Variants in DMXL1 observed in about 807,000 individuals in gnomAD.
DMXL1 encodes the protein dmX-like protein 1.
A neutral mutation model predicts 319.2 loss-of-function variants in DMXL1; 99 were observed. That is an observed-to-expected ratio of 0.31 (90% confidence interval 0.26 to 0.37). The LOEUF is 0.37. Ranked by LOEUF, DMXL1 falls within the 10% of genes least tolerant of loss-of-function variation. The pLI, the probability that DMXL1 is intolerant of heterozygous loss-of-function variation, is 1.00. For synonymous variants in DMXL1, 1,385 were observed against 1,235.2 expected (o/e 1.12, Z -2.54); for missense variants, 3,745 against 3,595.6 (o/e 1.04, Z -1.06).
chr5:119,137,385 T>C (rs1766259130), intron 13 of DMXL1, among the ~76,000 whole-genome samples: 1 of 152,240 alleles, frequency 6.6e-6, no homozygotes, highest in African/African-American at 2.4e-5. Context: ...GATGATACTT[T>C]GGACTTGGAC....
At chr5:119,102,101 C>CTTA in intron 3 of DMXL1, 95 bp downstream of exon 3, 1 of 688,278 alleles carries the variant, frequency 1.5e-6, no homozygotes. Context: ...ATCGGTATTA[C>CTTA]TTATATACTG....
At chr5:119,222,079 C>A (rs1364143614) in intron 37 of DMXL1, among the ~76,000 whole-genome samples, 3 of 152,060 alleles carry the variant, frequency 2.0e-5, no homozygotes, top group African/African-American at 7.2e-5. Context: ...TTAGTATGAG[C>A]AATTGTTCAA....
intron 1 of DMXL1, among the ~76,000 whole-genome samples, chr5:119,078,216 G>C (rs972139653): frequency 6.6e-6 from 1 of 152,158 alleles, no homozygotes; most frequent in Non-Finnish European, 1.5e-5. Context: ...CTGGCCTCAA[G>C]TGATCCTACT....
At chr5:119,150,484 A>C in intron 18 of DMXL1, 63 bp downstream of exon 18, 1 of 1,489,138 alleles carries the variant, frequency 6.7e-7, no homozygotes, top group Non-Finnish European at 8.9e-7. Flanking sequence ...ATTTTAAATA[A>C]TTTTTATTAA....
chr5:119,206,089 C>G (rs1212837247), intron 33 of DMXL1, among the ~76,000 whole-genome samples: 1 of 152,018 alleles, frequency 6.6e-6, no homozygotes, highest in East Asian at 1.9e-4. Flanking sequence ...GTAAAGTTTA[C>G]TGGTACCTGT....
intron 13 of DMXL1, among the ~76,000 whole-genome samples, chr5:119,137,993 A>G (rs1339181924): frequency 6.6e-6 from 1 of 152,216 alleles, no homozygotes; most frequent in Non-Finnish European, 1.5e-5. Flanking sequence ...TTTACTCTGA[A>G]TAACATGGAA....
chr5:119,196,064 C>T (rs758056901), intron 30 of DMXL1, among the ~76,000 whole-genome samples: 13 of 151,914 alleles, frequency 8.6e-5, no homozygotes, highest in Admixed American at 3.9e-4. Context: ...TACTACATAC[C>T]GAAACTGACT....
intron 32 of DMXL1, among the ~76,000 whole-genome samples, chr5:119,198,287 C>T (rs1483154387): frequency 1.3e-5 from 2 of 152,168 alleles, no homozygotes; most frequent in Non-Finnish European, 2.9e-5. Context: ...CCGCACCTGC[C>T]CTGAATACTG....
intron 19 of DMXL1, 28 bp downstream of exon 19, chr5:119,152,064 G>A: frequency 6.8e-7 from 1 of 1,466,898 alleles, no homozygotes; most frequent in Non-Finnish European, 9.4e-7. Flanking sequence ...CTATTAAAGG[G>A]AAATAAAGCG....
intron 43 of DMXL1, among the ~76,000 whole-genome samples, chr5:119,246,754 C>G (rs1237409299): frequency 2.0e-5 from 3 of 151,338 alleles, no homozygotes; most frequent in African/African-American, 7.3e-5. Flanking sequence ...CTGCCCCAGC[C>G]TCCTGAGTAG....
At chr5:119,237,287 A>G in intron 39 of DMXL1, 35 bp from the exon 40 acceptor site, 1 of 1,274,418 alleles carries the variant, frequency 7.8e-7, no homozygotes, top group Non-Finnish European at 1.1e-6. Flanking sequence ...TTTTATATTT[A>G]TATTAAATAC....
chr5:119,112,782 C>A (rs143715370), intron 5 of DMXL1, among the ~76,000 whole-genome samples: 4 of 152,008 alleles, frequency 2.6e-5, no homozygotes, highest in African/African-American at 9.7e-5. Context: ...CATGGCGAAA[C>A]CCCGTCTCTA....
chr5:119,118,205 T>A (rs1429428280), intron 7 of DMXL1, among the ~76,000 whole-genome samples: 3 of 152,216 alleles, frequency 2.0e-5, no homozygotes, highest in Non-Finnish European at 4.4e-5. Context: ...AATATTCAAT[T>A]CTTGCATTTC....
chr5:119,177,092 A>T (rs929939521), intron 26 of DMXL1, among the ~76,000 whole-genome samples: 1 of 152,104 alleles, frequency 6.6e-6, no homozygotes, highest in Non-Finnish European at 1.5e-5. Flanking sequence ...CAAATATGTA[A>T]TCTTGCTACT....
chr5:119,189,827 G>A lies in DMXL1; in HGVS notation c.7255G>A (p.Ala2419Thr). ...SSAPVSQESL[A>T]VKEKFIPPEL... ...GGCACCAGTAAGCCAGGAGTCACTGGCGGTTAAAGAAAAGTTCATCCCACC... is the reference window on the plus strand; with the variant it reads ...GGCACCAGTAAGCCAGGAGTCACTGACGGTTAAAGAAAAGTTCATCCCACC... The change falls in exon 29 of 44, where the codon GCG (alanine) becomes ACG (threonine). Residue 2419 changes from alanine to threonine, a missense_variant. Physicochemically the swap from Ala to Thr is moderately conservative, Grantham distance 58. Around this residue, in one of 4 missense-constraint regions of DMXL1, gnomAD observed 1,382 missense variants for 1,269.5 expected, o/e 1.09. Coordinates refer to ENST00000539542, the MANE Select transcript of DMXL1 (RefSeq NM_001290321.3). 1 of 1,614,054 alleles carries A rather than the reference G, an allele frequency of 6.2e-7. No individual in the cohort carries two copies. Among genetic ancestry groups the A allele is most frequent in the Non-Finnish European group, 8.5e-7 (1 of 1,179,980 alleles).
At chr5:119,220,010 CTT>C (rs5870841) in intron 35 of DMXL1, among the ~76,000 whole-genome samples, 305 of 139,866 alleles carry the variant, frequency 2.2e-3, no homozygotes, top group Non-Finnish European at 3.0e-3. Context: ...TTTCCCACTT[CTT>C]TTTTTTTTTT....
intron 25 of DMXL1, among the ~76,000 whole-genome samples, chr5:119,173,776 G>GTGTGTATATATATATATATA: frequency 2.7e-4 from 18 of 67,164 alleles, no homozygotes; most frequent in South Asian, 1.1e-3. Flanking sequence ...ATGTGTGTGT[G>GTGTGTATATATATATATATA]TATATATATA....
At chr5:119,172,367 A>T (rs1375271972) in intron 25 of DMXL1, among the ~76,000 whole-genome samples, 2 of 152,210 alleles carry the variant, frequency 1.3e-5, no homozygotes, top group African/African-American at 4.8e-5. Flanking sequence ...AGAAATCCAC[A>T]TTTTAAGGAT....
At chr5:119,133,412 C>T in intron 11 of DMXL1, 27 bp downstream of exon 11, 1 of 1,598,372 alleles carries the variant, frequency 6.3e-7, no homozygotes, top group Non-Finnish European at 8.5e-7. Context: ...TGGAGAGCTA[C>T]TTCCTTGTTT....
Sources: gnomAD v4.1 joint callset for allele counts (sites outside exome capture counted in the v4.1 genomes callset) on GRCh38, gnomAD v4.1.1 for gene constraint, gnomAD v4.1.1 regional missense constraint, MANE v1.5 for transcripts, NCBI Gene and HGNC (gene_info 2026-07-23, HGNC 2026-07-21) for gene names.